TYW1B: variants seen among roughly 807,000 people sequenced by gnomAD.
The protein encoded by TYW1B is S-adenosyl-L-methionine-dependent tRNA 4-demethylwyosine synthase TYW1B.
A neutral mutation model predicts 86.9 loss-of-function variants in TYW1B; 73 were observed. The observed-to-expected ratio is 0.84, with a 90% CI of 0.70 to 1.02. The LOEUF (loss-of-function observed/expected upper bound fraction) is 1.02. TYW1B is among the 50% of genes least tolerant of loss of function. The pLI is 0.00. For missense variants in TYW1B, 637 were observed against 827.4 expected (o/e 0.77, Z 2.82); for synonymous variants, 248 against 292.8 (o/e 0.85, Z 1.56).
intron 11 of TYW1B, among the ~76,000 whole-genome samples, chr7:72,692,324 C>T (rs1464450297): frequency 2.6e-5 from 4 of 151,626 alleles, no homozygotes; most frequent in Admixed American, 2.6e-4. Flanking sequence ...TTGCCTGAGG[C>T]CAGGAGTTTG....
At chr7:72,669,320 G>A (rs1813539978) in intron 11 of TYW1B, among the ~76,000 whole-genome samples, 1 of 151,106 alleles carries the variant, frequency 6.6e-6, no homozygotes, top group African/African-American at 2.4e-5. Flanking sequence ...AATTTTTTGT[G>A]TTTTTAGTAG....
rs527974622 is a variant in TYW1B, at chr7:72,738,326, G to A, written c.1082+6158C>T. Among the ~76,000 whole-genome samples the A allele has an allele frequency of 2.6e-4, 39 of 151,536 alleles. 1 individual carries two copies. Among genetic ancestry groups the A allele is most frequent in the African/African-American group, 8.5e-4 (35 of 41,294 alleles). ...TCTTGAACTCCTGACCTCGTGATCCGCCTGCCTCAGCCTCCCAAAGTGCTG... is the reference window on the plus strand; with the variant it reads ...TCTTGAACTCCTGACCTCGTGATCCACCTGCCTCAGCCTCCCAAAGTGCTG... On this transcript the variant is annotated intron_variant, in intron 8 of 13. Coordinates refer to ENST00000620995, the MANE Select transcript of TYW1B (RefSeq NM_001145440.3).
At chr7:72,817,394 C>T (rs1228209953) in intron 2 of TYW1B, among the ~76,000 whole-genome samples, 2 of 151,888 alleles carry the variant, frequency 1.3e-5, no homozygotes, top group East Asian at 1.9e-4. Context: ...GACAACAGAG[C>T]GAGACTCCAT....
chr7:72,751,372 A>G (rs2129571493), intron 7 of TYW1B, among the ~76,000 whole-genome samples: 1 of 152,200 alleles, frequency 6.6e-6, no homozygotes, highest in South Asian at 2.1e-4. Flanking sequence ...TGTCCTGTTC[A>G]CCAATCGTAC....
At chr7:72,756,586 T>G (rs1554466181) in intron 7 of TYW1B, among the ~76,000 whole-genome samples, 1 of 151,970 alleles carries the variant, frequency 6.6e-6, no homozygotes, top group African/African-American at 2.4e-5. Context: ...CTGAGTTTTG[T>G]ATGGGGAATC....
chr7:72,694,325 C>T (rs1420184775), intron 11 of TYW1B, among the ~76,000 whole-genome samples: 2 of 152,142 alleles, frequency 1.3e-5, no homozygotes, highest in African/African-American at 4.8e-5. Context: ...GGGAGTCCTA[C>T]AACCAATCTT....
At chr7:72,824,170 A>C (rs1788887775) in intron 2 of TYW1B, among the ~76,000 whole-genome samples, 1 of 152,156 alleles carries the variant, frequency 6.6e-6, no homozygotes, top group Non-Finnish European at 1.5e-5. Context: ...AAACCTAAGA[A>C]GTACTATTCT....
chr7:72,815,926 G>C (rs568477357), intron 2 of TYW1B, among the ~76,000 whole-genome samples: 5 of 152,112 alleles, frequency 3.3e-5, no homozygotes, highest in Admixed American at 6.6e-5. Context: ...CTACTCAAGA[G>C]GCTGAGAAGG....
At chr7:72,660,341 T>C (rs1554444281) in intron 11 of TYW1B, among the ~76,000 whole-genome samples, 2 of 152,058 alleles carry the variant, frequency 1.3e-5, no homozygotes, top group African/African-American at 4.8e-5. Context: ...GCCATTGCAC[T>C]CCAGCCTGGT....
intron 13 of TYW1B, among the ~76,000 whole-genome samples, chr7:72,581,414 G>T (rs116120841): frequency 0.012 from 1,852 of 152,292 alleles, 36 homozygotes; most frequent in African/African-American, 0.041. Flanking sequence ...CCAAGATAGA[G>T]TCAGCCCCAT....
chr7:72,660,665 A>T (rs1434292355), intron 11 of TYW1B, among the ~76,000 whole-genome samples: 1 of 152,200 alleles, frequency 6.6e-6, no homozygotes, highest in East Asian at 1.9e-4. Flanking sequence ...ATGAAAATAT[A>T]TAAGAATTCT....
chr7:72,729,648 C>T (rs1787068443), intron 8 of TYW1B, among the ~76,000 whole-genome samples: 1 of 152,076 alleles, frequency 6.6e-6, no homozygotes, highest in African/African-American at 2.4e-5. Context: ...GGAGACCACC[C>T]CCAAGACAGA....
intron 10 of TYW1B, among the ~76,000 whole-genome samples, chr7:72,710,677 G>A (rs557205219): frequency 4.5e-4 from 68 of 152,192 alleles, no homozygotes; most frequent in African/African-American, 1.5e-3. Flanking sequence ...GTATGGTGGC[G>A]TGCGCCTGTA....
intron 11 of TYW1B, among the ~76,000 whole-genome samples, chr7:72,632,460 TAC>T (rs1335599583): frequency 2.3e-4 from 21 of 90,614 alleles, no homozygotes; most frequent in African/African-American, 1.2e-3. Context: ...AATATATATA[TAC>T]ATATATATAT....
chr7:72,596,803 C>G (rs1168206954), intron 13 of TYW1B, among the ~76,000 whole-genome samples: 3 of 151,982 alleles, frequency 2.0e-5, no homozygotes, highest in Admixed American at 2.0e-4. Context: ...AAAAGGCATG[C>G]ATCAAAAGGC....
At chr7:72,692,787 T>C (rs548653773) in intron 11 of TYW1B, among the ~76,000 whole-genome samples, 6 of 152,140 alleles carry the variant, frequency 3.9e-5, no homozygotes, top group Admixed American at 2.6e-4. Context: ...AGAAAGAACA[T>C]TCCTTCCAAA....
chr7:72,723,802 T>C (rs1554458109), intron 9 of TYW1B, among the ~76,000 whole-genome samples: 1 of 152,024 alleles, frequency 6.6e-6, no homozygotes, highest in Non-Finnish European at 1.5e-5. Context: ...TGAAATTACT[T>C]GCTGCCAAGA....
At chr7:72,712,213 C>T (rs1221664831) in intron 10 of TYW1B, among the ~76,000 whole-genome samples, 1 of 152,152 alleles carries the variant, frequency 6.6e-6, no homozygotes, top group Admixed American at 6.5e-5. Flanking sequence ...TTATGGGGCC[C>T]CATAATCCTA....
intron 2 of TYW1B, among the ~76,000 whole-genome samples, chr7:72,824,537 T>A (rs1248817232): frequency 1.3e-5 from 2 of 151,948 alleles, no homozygotes; most frequent in Non-Finnish European, 2.9e-5. Context: ...GGTCAGGAGT[T>A]CGAGAGCAGC....
Sources: gnomAD v4.1 joint callset for allele counts (sites outside exome capture counted in the v4.1 genomes callset) on GRCh38, gnomAD v4.1.1 for gene constraint, MANE v1.5 for transcripts, NCBI Gene and HGNC (gene_info 2026-07-23, HGNC 2026-07-21) for gene names.